GABRG3: variants seen among roughly 807,000 people sequenced by gnomAD.
GABRG3 encodes gamma-aminobutyric acid type A receptor subunit gamma3.
A neutral mutation model predicts 48.8 loss-of-function variants in GABRG3; 25 were observed. That is an observed-to-expected ratio of 0.51 (90% CI 0.37 to 0.72). The LOEUF (loss-of-function observed/expected upper bound fraction) is 0.72. Among genes scored for constraint, GABRG3 ranks in the 30% least tolerant of loss-of-function variants. GABRG3 has a pLI of 0.00. For missense variants in GABRG3, 394 were observed against 577.9 expected (o/e 0.68, Z 3.26); for synonymous variants, 227 against 217.6 (o/e 1.04, Z -0.38).
chr15:27,341,626 C>T (rs571948422), intron 5 of GABRG3, among the ~76,000 whole-genome samples: 1 of 152,260 alleles, frequency 6.6e-6, no homozygotes, highest in South Asian at 2.1e-4. Context: ...AGGTCATCTG[C>T]CCCTATCACG....
intron 2 of GABRG3, among the ~76,000 whole-genome samples, chr15:27,003,711 A>C (rs1423963978): frequency 6.6e-5 from 10 of 152,032 alleles, no homozygotes; most frequent in East Asian, 1.9e-4. Flanking sequence ...CATTGTCATC[A>C]TGGCCCGTTC....
intron 5 of GABRG3, among the ~76,000 whole-genome samples, chr15:27,395,072 C>T (rs561172307): frequency 2.0e-5 from 3 of 152,326 alleles, no homozygotes; most frequent in South Asian, 4.1e-4. Flanking sequence ...CCCTCTCCTT[C>T]TGGAGTTCCC....
intron 3 of GABRG3, among the ~76,000 whole-genome samples, chr15:27,191,405 C>T (rs1888299128): frequency 6.6e-6 from 1 of 152,166 alleles, no homozygotes; most frequent in Non-Finnish European, 1.5e-5. Flanking sequence ...AATCTGGGTG[C>T]TCCTGTATTG....
chr15:27,076,377 G>T (rs1382837252), intron 3 of GABRG3, among the ~76,000 whole-genome samples: 5 of 143,432 alleles, frequency 3.5e-5, no homozygotes, highest in Non-Finnish European at 7.5e-5. Context: ...AGGCTGGAGT[G>T]CAATGGCATG....
chr15:27,490,660 T>C (rs531523518), intron 6 of GABRG3, among the ~76,000 whole-genome samples: 1 of 152,356 alleles, frequency 6.6e-6, no homozygotes, highest in East Asian at 1.9e-4. Flanking sequence ...TGGTTGTCAC[T>C]GATCAGACAC....
intron 5 of GABRG3, among the ~76,000 whole-genome samples, chr15:27,372,960 T>A (rs1270629535): frequency 6.6e-6 from 1 of 152,224 alleles, no homozygotes; most frequent in African/African-American, 2.4e-5. Flanking sequence ...AGCTGTGGCC[T>A]CCAGCAAGCT....
intron 2 of GABRG3, among the ~76,000 whole-genome samples, chr15:26,986,774 T>C (rs553437992): frequency 1.3e-5 from 2 of 152,330 alleles, no homozygotes; most frequent in Admixed American, 6.5e-5. Flanking sequence ...GCTCAGTTCA[T>C]AGAATAACAA....
intron 5 of GABRG3, among the ~76,000 whole-genome samples, chr15:27,351,489 T>C (rs564008354): frequency 6.8e-6 from 1 of 147,892 alleles, no homozygotes; most frequent in African/African-American, 2.5e-5. Flanking sequence ...GGTGTGTGTA[T>C]GGTGTGTGTG....
At chr15:27,165,829 C>T (rs1489979065) in intron 3 of GABRG3, among the ~76,000 whole-genome samples, 8 of 152,012 alleles carry the variant, frequency 5.3e-5, no homozygotes, top group African/African-American at 9.7e-5. Context: ...TCATACCTGT[C>T]GCAAAGGAGG....
intron 5 of GABRG3, among the ~76,000 whole-genome samples, chr15:27,458,188 A>G (rs11638483): frequency 3.9e-5 from 6 of 152,182 alleles, no homozygotes; most frequent in African/African-American, 7.2e-5. Flanking sequence ...GCAGATCGTG[A>G]TAAGTGCGGC....
chr15:27,069,772 G>C (rs1373237538), intron 3 of GABRG3, among the ~76,000 whole-genome samples: 2 of 152,196 alleles, frequency 1.3e-5, no homozygotes, highest in African/African-American at 4.8e-5. Context: ...GTAATATTCA[G>C]CTCATCTGTT....
chr15:27,044,468 T>A (rs1456762616), intron 3 of GABRG3, among the ~76,000 whole-genome samples: 1 of 152,204 alleles, frequency 6.6e-6, no homozygotes, highest in Admixed American at 6.5e-5. Flanking sequence ...ATACTTATAA[T>A]TTTCACATTT....
rs1479529502 is a variant in GABRG3 at position 27,306,947 on chromosome 15, T to TATAAACATGTTTATATATAAACATATAG, written c.271-19861_271-19860insTAAACATGTTTATATATAAACATATAGA. Among the ~76,000 whole-genome samples, 852 of 91,860 alleles carry TATAAACATGTTTATATATAAACATATAG rather than the reference T, an allele frequency of 9.3e-3. 247 individuals carry two copies. The highest frequency in any genetic ancestry group is 0.013 in the Non-Finnish European group (598 of 44,678). The allele number at this position is 91,860 out of a possible 152,430, so 60.3% of individuals were successfully genotyped here. A position where few individuals can be genotyped will look rare whatever the true frequency, so the allele number is the denominator to read the frequency against. On this transcript the variant is annotated intron_variant, in intron 3 of 9. Transcript: ENST00000615808. ...AAACATGTTTATATATAAACATATA[T>TATAAACATGTTTATATATAAACATATAG]AATATAAACATGTTTATATATAAAC...
intron 3 of GABRG3, among the ~76,000 whole-genome samples, chr15:27,311,514 A>G (rs1464734039): frequency 6.6e-6 from 1 of 152,130 alleles, no homozygotes; most frequent in Non-Finnish European, 1.5e-5. Flanking sequence ...TTGATCTAAT[A>G]TGCAGCTAGT....
chr15:27,248,428 A>AC (rs1488357665), intron 3 of GABRG3, among the ~76,000 whole-genome samples: 2 of 152,170 alleles, frequency 1.3e-5, no homozygotes, highest in Non-Finnish European at 2.9e-5. Context: ...TCCTGTGGCT[A>AC]CATGGTCAGA....
At chr15:27,270,244 T>C (rs1349065043) in intron 3 of GABRG3, among the ~76,000 whole-genome samples, 1 of 152,198 alleles carries the variant, frequency 6.6e-6, no homozygotes, top group East Asian at 1.9e-4. Flanking sequence ...AATGTCTCTG[T>C]TGCAGGAGAG....
intron 3 of GABRG3, among the ~76,000 whole-genome samples, chr15:27,075,578 GC>G (rs1896896985): frequency 6.6e-6 from 1 of 151,526 alleles, no homozygotes; most frequent in African/African-American, 2.4e-5. Context: ...AATTCATTCT[GC>G]CCTCTGAATA....
At chr15:27,318,827 T>C (rs1357483756) in intron 3 of GABRG3, among the ~76,000 whole-genome samples, 6 of 152,144 alleles carry the variant, frequency 3.9e-5, no homozygotes, top group African/African-American at 1.4e-4. Context: ...CTCTCATTAT[T>C]GCTGAGTGCA....
At chr15:27,377,775 A>G (rs1054727965) in intron 5 of GABRG3, among the ~76,000 whole-genome samples, 1 of 152,250 alleles carries the variant, frequency 6.6e-6, no homozygotes, top group East Asian at 1.9e-4. Flanking sequence ...ATGTATCTGT[A>G]AAGGTGCCTT....
Sources: gnomAD v4.1 joint callset for allele counts (sites outside exome capture counted in the v4.1 genomes callset) on GRCh38, gnomAD v4.1.1 for gene constraint, MANE v1.5 for transcripts, NCBI Gene and HGNC (gene_info 2026-07-23, HGNC 2026-07-21) for gene names.